RSRC1: variants seen among roughly 807,000 people sequenced by gnomAD.
RSRC1 encodes serine/Arginine-related protein 53.
Under a neutral mutation model 49.1 loss-of-function variants are expected in RSRC1, and 39 were observed. That is an observed-to-expected ratio of 0.79 (90% CI 0.61 to 1.04). The LOEUF is 1.04. RSRC1 is among the 50% of genes least tolerant of loss of function. The pLI is 0.00. For synonymous variants in RSRC1, 143 were observed against 130.8 expected, an observed-to-expected ratio of 1.09 and a Z score of -0.63; for missense variants, 388 against 402.4, an observed-to-expected ratio of 0.96 and a Z score of 0.31.
At chr3:158,230,492 C>A (rs547049054) in intron 4 of RSRC1, among the ~76,000 whole-genome samples, 1 of 152,110 alleles carries the variant, frequency 6.6e-6, no homozygotes, top group African/African-American at 2.4e-5. Flanking sequence ...GGAAACAAAA[C>A]AAAACAACAG....
intron 6 of RSRC1, among the ~76,000 whole-genome samples, chr3:158,442,876 T>C (rs996563965): frequency 6.6e-6 from 1 of 152,106 alleles, no homozygotes; most frequent in Non-Finnish European, 1.5e-5. Context: ...AAAATGAATG[T>C]TCTGTTAGCA....
In RSRC1 at chr3:158,502,165, T is replaced by C. The variant is rs117922335; in HGVS notation, c.653-34927T>C. 2.5e-4 allele frequency among the ~76,000 whole-genome samples: 38 copies of C among 152,290 alleles called. No individual in the cohort carries two copies. In the East Asian group the frequency reaches 4.2e-3, roughly 17 times the overall value. ...ACAAAATTCTTGGCTAATAATTGTT[T>C]TGTTTGAGAAGGCTGAAGATACGGC... On this transcript the variant is annotated intron_variant, in intron 7 of 9. Coordinates refer to ENST00000611884, the MANE Select transcript of RSRC1 (RefSeq NM_001271838.2).
intron 5 of RSRC1, among the ~76,000 whole-genome samples, chr3:158,329,624 G>C (rs1458649761): frequency 6.6e-6 from 1 of 152,212 alleles, no homozygotes; most frequent in Non-Finnish European, 1.5e-5. Context: ...GTACCCGGCT[G>C]TGTGAGCTGT....
chr3:158,523,764 T>C (rs556284656), intron 7 of RSRC1, among the ~76,000 whole-genome samples: 1 of 152,176 alleles, frequency 6.6e-6, no homozygotes, highest in Non-Finnish European at 1.5e-5. Flanking sequence ...TTGCCCATGT[T>C]TGATGAGAGG....
chr3:158,521,980 A>G (rs1711700315), intron 7 of RSRC1, among the ~76,000 whole-genome samples: 2 of 152,146 alleles, frequency 1.3e-5, no homozygotes, highest in South Asian at 4.1e-4. Flanking sequence ...TATTAGAATT[A>G]CATTAAAATA....
intron 6 of RSRC1, among the ~76,000 whole-genome samples, chr3:158,389,041 GA>G (rs914035821): frequency 2.0e-5 from 3 of 151,616 alleles, no homozygotes; most frequent in African/African-American, 4.8e-5. Context: ...AAAGTTTATA[GA>G]AAAAAAACAG....
intron 5 of RSRC1, among the ~76,000 whole-genome samples, chr3:158,326,262 C>G (rs1729130821): frequency 1.3e-5 from 2 of 152,280 alleles, no homozygotes; most frequent in African/African-American, 2.4e-5. Flanking sequence ...ACTTCCAACA[C>G]TATGTTGAAT....
intron 5 of RSRC1, among the ~76,000 whole-genome samples, chr3:158,309,113 G>A (rs927490343): frequency 4.6e-5 from 7 of 151,874 alleles, no homozygotes; most frequent in Non-Finnish European, 7.4e-5. Context: ...TGAAGTTTGA[G>A]AAATGATGCA....
chr3:158,110,877 A>G (rs1413399535), intron 1 of RSRC1, among the ~76,000 whole-genome samples: 1 of 152,230 alleles, frequency 6.6e-6, no homozygotes, highest in Non-Finnish European at 1.5e-5. Context: ...AGATGTTACA[A>G]TGCACCGTAA....
At chr3:158,189,463 T>C (rs1404279898) in intron 3 of RSRC1, among the ~76,000 whole-genome samples, 2 of 152,048 alleles carry the variant, frequency 1.3e-5, no homozygotes, top group Non-Finnish European at 2.9e-5. Context: ...AAATTCAGGA[T>C]TGTTAGATTA....
intron 6 of RSRC1, among the ~76,000 whole-genome samples, chr3:158,417,659 T>C (rs889943115): frequency 6.6e-6 from 1 of 151,880 alleles, no homozygotes; most frequent in African/African-American, 2.4e-5. Flanking sequence ...GTGCTGTATG[T>C]TTAACACTTT....
At chr3:158,353,684 GT>G (rs1730997475) in intron 5 of RSRC1, among the ~76,000 whole-genome samples, 1 of 152,086 alleles carries the variant, frequency 6.6e-6, no homozygotes, top group Admixed American at 6.6e-5. Context: ...TCTGTATCCA[GT>G]TATTTAATTC....
intron 3 of RSRC1, among the ~76,000 whole-genome samples, chr3:158,174,138 T>C (rs1719057615): frequency 6.6e-6 from 1 of 151,892 alleles, no homozygotes; most frequent in African/African-American, 2.4e-5. Flanking sequence ...AAAAAAAGAT[T>C]CAAGATAATA....
intron 5 of RSRC1, among the ~76,000 whole-genome samples, chr3:158,299,824 T>G (rs1325781792): frequency 6.6e-6 from 1 of 152,200 alleles, no homozygotes; most frequent in Non-Finnish European, 1.5e-5. Context: ...TATAATTTTA[T>G]CCAGCAGTGG....
In RSRC1 at chr3:158,214,597, A is replaced by G. The variant is rs143010254; in HGVS notation, c.494+11352A>G. On this transcript the variant is annotated intron_variant, in intron 4 of 9. Coordinates refer to ENST00000611884, the MANE Select transcript of RSRC1 (RefSeq NM_001271838.2). ...TGTCTTTCTAAGCACTGCTTGAGCT[A>G]CATCCCACAAATTCTCATATGTTGT... Among the ~76,000 whole-genome samples the G allele has an allele frequency of 7.5e-3, 1,135 of 151,900 alleles. 12 individuals are homozygous for G. Among genetic ancestry groups the G allele is most frequent in the African/African-American group, 0.026 (1,078 of 41,498 alleles).
At chr3:158,166,287 T>C (rs989447411) in intron 3 of RSRC1, among the ~76,000 whole-genome samples, 8 of 151,882 alleles carry the variant, frequency 5.3e-5, no homozygotes, top group East Asian at 3.8e-4. Flanking sequence ...ATAATTGATA[T>C]AAAGTTTTTT....
intron 4 of RSRC1, among the ~76,000 whole-genome samples, chr3:158,227,921 T>C (rs917316204): frequency 6.6e-6 from 1 of 152,016 alleles, no homozygotes; most frequent in Non-Finnish European, 1.5e-5. Flanking sequence ...GGCTATAGTT[T>C]GTCACCTCCT....
intron 3 of RSRC1, among the ~76,000 whole-genome samples, chr3:158,194,370 C>CT (rs987710898): frequency 2.0e-5 from 3 of 150,792 alleles, no homozygotes; most frequent in Admixed American, 1.3e-4. Flanking sequence ...GAAGAAATTT[C>CT]TTTTTTTTAA....
chr3:158,196,175 G>A (rs1444466933), intron 3 of RSRC1, among the ~76,000 whole-genome samples: 2 of 78,202 alleles, frequency 2.6e-5, no homozygotes, highest in Non-Finnish European at 5.0e-5. Flanking sequence ...TTATTTCGTT[G>A]AGCAGTGTGG....
Sources: allele counts gnomAD v4.1 joint callset (sites outside exome capture counted in the v4.1 genomes callset), GRCh38; gene constraint gnomAD v4.1.1; transcripts MANE v1.5; gene names NCBI Gene and HGNC (gene_info 2026-07-23, HGNC 2026-07-21).